Variants in GPHN observed in about 807,000 individuals in gnomAD.
GPHN encodes the protein gephyrin.
In GPHN, 17 loss-of-function variants were observed where a neutral mutation model predicts 95.5. That is an observed-to-expected ratio of 0.18 (90% CI 0.12 to 0.27). The LOEUF (loss-of-function observed/expected upper bound fraction) is 0.27, where lower values mean the gene tolerates loss of function less well. Ranked by LOEUF, GPHN falls within the 10% of genes least tolerant of loss-of-function variation. GPHN has a pLI of 1.00. For synonymous variants in GPHN, 320 were observed against 322.5 expected, an observed-to-expected ratio of 0.99 and a Z score of 0.08; for missense variants, 660 against 978.1, an observed-to-expected ratio of 0.67 and a Z score of 4.34.
the GPHN span, among the ~76,000 whole-genome samples, chr14:67,609,414 A>G: frequency 6.6e-6 from 1 of 152,174 alleles, no homozygotes; most frequent in East Asian, 1.9e-4. Context: ...CCTGTACCCC[A>G]TATGTGGAAG....
chr14:67,620,459 C>G, the GPHN span, among the ~76,000 whole-genome samples: 3 of 152,000 alleles, frequency 2.0e-5, no homozygotes, highest in African/African-American at 7.3e-5. Context: ...AGTGGAGAAT[C>G]GATGGAGGAG....
intron 9 of GPHN, among the ~76,000 whole-genome samples, chr14:66,990,644 A>G (rs2071347902): frequency 6.6e-6 from 1 of 152,172 alleles, no homozygotes; most frequent in African/African-American, 2.4e-5. Context: ...GACTTAACTC[A>G]GACTCTTATG....
intron 2 of GPHN, among the ~76,000 whole-genome samples, chr14:66,765,761 A>G (rs1355215700): frequency 1.3e-5 from 2 of 151,404 alleles, no homozygotes; most frequent in African/African-American, 2.4e-5. Flanking sequence ...CTGAAACAGA[A>G]AAAAAAAAGA....
At chr14:67,061,434 G>T (rs1415323046) in intron 11 of GPHN, among the ~76,000 whole-genome samples, 2 of 152,012 alleles carry the variant, frequency 1.3e-5, no homozygotes, top group African/African-American at 4.8e-5. Flanking sequence ...TGATGCCAAA[G>T]TAATCTGTTC....
Position 66,615,273 on chromosome 14 carries a change from T to A in GPHN, c.65-65834T>A, listed in dbSNP as rs552202296. Among the ~76,000 whole-genome samples, 5 of 152,322 alleles carry A rather than the reference T, an allele frequency of 3.3e-5. 1 individual carries two copies. The highest frequency in any genetic ancestry group is 1.2e-4 in the African/African-American group (5 of 41,580). The stretch of plus-strand genomic sequence containing the variant: ...AATGGTATTTCTGGTTCTAGATCCT[T>A]GAGAAATGGCCATACTGCCTTCCAC... On this transcript the variant is annotated intron_variant, in intron 1 of 22. Coordinates refer to ENST00000478722, the MANE Select transcript of GPHN (RefSeq NM_020806.5).
chr14:67,511,994 A>G, the GPHN span, among the ~76,000 whole-genome samples: 4 of 152,224 alleles, frequency 2.6e-5, no homozygotes, highest in Admixed American at 6.5e-5. Context: ...CCACAGCTCA[A>G]AGTCTGAGGC....
intron 12 of GPHN, among the ~76,000 whole-genome samples, chr14:67,094,481 A>C (rs1260063715): frequency 8.5e-5 from 13 of 152,290 alleles, no homozygotes; most frequent in Admixed American, 7.8e-4. Context: ...TCAGAATTAC[A>C]AGGGAAACAA....
chr14:66,904,145 C>T (rs371864488), intron 5 of GPHN, among the ~76,000 whole-genome samples: 22 of 152,192 alleles, frequency 1.4e-4, no homozygotes, highest in Non-Finnish European at 2.2e-4. Context: ...AATGAAGCCG[C>T]GGACCTTTGC....
chr14:66,986,733 G>A (rs186028419), intron 9 of GPHN, among the ~76,000 whole-genome samples: 1 of 152,178 alleles, frequency 6.6e-6, no homozygotes, highest in African/African-American at 2.4e-5. Flanking sequence ...TCAGTGCACT[G>A]GGATGTCCTA....
At chr14:67,077,099 A>G (rs1019637888) in intron 11 of GPHN, among the ~76,000 whole-genome samples, 12 of 152,184 alleles carry the variant, frequency 7.9e-5, no homozygotes, top group African/African-American at 2.9e-4. Context: ...AGAAGAAAGT[A>G]TAGACAGTCA....
intron 1 of GPHN, among the ~76,000 whole-genome samples, chr14:66,594,736 A>G (rs2061901384): frequency 6.6e-6 from 1 of 152,204 alleles, no homozygotes; most frequent in African/African-American, 2.4e-5. Context: ...CATAGGAGAA[A>G]AGCTCTCTGT....
At chr14:67,630,757 T>C in the GPHN span, among the ~76,000 whole-genome samples, 1 of 152,150 alleles carries the variant, frequency 6.6e-6, no homozygotes, top group East Asian at 1.9e-4. Context: ...TTTTTGTATT[T>C]TTAGTAGAGA....
At chr14:66,765,712 C>T (rs572769945) in intron 2 of GPHN, among the ~76,000 whole-genome samples, 11 of 151,824 alleles carry the variant, frequency 7.2e-5, no homozygotes, top group East Asian at 5.8e-4. Flanking sequence ...ACTCCCATGA[C>T]GCACAATTTA....
At chr14:67,415,988 G>A in the GPHN span, among the ~76,000 whole-genome samples, 14 of 152,238 alleles carry the variant, frequency 9.2e-5, no homozygotes, top group South Asian at 6.2e-4. Context: ...GGGATGTGGC[G>A]GGAGGGAGAG....
chr14:67,365,363 G>T, the GPHN span, among the ~76,000 whole-genome samples: 1 of 152,188 alleles, frequency 6.6e-6, no homozygotes, highest in African/African-American at 2.4e-5. Flanking sequence ...CCTTTTTCTT[G>T]ATTTAAAGCT....
intron 5 of GPHN, among the ~76,000 whole-genome samples, chr14:66,890,733 C>G (rs2064441060): frequency 6.6e-6 from 1 of 151,504 alleles, no homozygotes; most frequent in South Asian, 2.1e-4. Context: ...ACAAGGTGAC[C>G]CTAGAATACA....
At chr14:67,344,888 A>C in the GPHN span, among the ~76,000 whole-genome samples, 1 of 151,784 alleles carries the variant, frequency 6.6e-6, no homozygotes, top group Non-Finnish European at 1.5e-5. Context: ...CTCAAAGAAA[A>C]AAACAAACAA....
chr14:66,802,289 T>A (rs2060384055), intron 3 of GPHN, among the ~76,000 whole-genome samples: 1 of 152,142 alleles, frequency 6.6e-6, no homozygotes, highest in South Asian at 2.1e-4. Context: ...CCTCAGATAT[T>A]TCCTTAAGGC....
chr14:67,573,788 A>C, the GPHN span: 1 of 1,585,006 alleles, frequency 6.3e-7, no homozygotes, highest in Admixed American at 1.7e-5. The surrounding 1 kb of genome is among the most constrained non-coding windows in gnomAD (Gnocchi z 4.8). Context: ...CCTCTCCAAT[A>C]CTTTCTTTAC....
Sources: gnomAD v4.1 joint callset for allele counts (sites outside exome capture counted in the v4.1 genomes callset) on GRCh38, gnomAD v4.1.1 for gene constraint, Gnocchi (gnomAD v3.1) non-coding constraint, MANE v1.5 for transcripts, NCBI Gene and HGNC (gene_info 2026-07-23, HGNC 2026-07-21) for gene names.